Variants in ZBTB16 observed in about 807,000 individuals in gnomAD.
The protein encoded by ZBTB16 is zinc finger and BTB domain containing 16, also known as zinc finger and BTB domain-containing protein 16.
In ZBTB16, 8 loss-of-function variants were observed where a neutral mutation model predicts 56.8. The ratio of observed to expected loss-of-function variants is 0.14; its 90% CI spans 0.08 to 0.25. ZBTB16 has a LOEUF of 0.25. Among genes scored for constraint, ZBTB16 ranks in the 10% least tolerant of loss-of-function variants. ZBTB16 has a pLI of 1.00. For synonymous variants in ZBTB16, 363 were observed against 368.5 expected, an observed-to-expected ratio of 0.98 and a Z score of 0.17; for missense variants, 625 against 903.0, an observed-to-expected ratio of 0.69 and a Z score of 3.95.
intron 3 of ZBTB16, among the ~76,000 whole-genome samples, chr11:114,175,429 A>G (rs1445928919): frequency 6.6e-6 from 1 of 152,144 alleles, no homozygotes; most frequent in Non-Finnish European, 1.5e-5. Context: ...CAACAACTCT[A>G]AGATTACCCC....
chr11:114,175,823 G>A lies in ZBTB16; in HGVS notation c.1367-11129G>A, dbSNP rs572353623. 2.0e-5 allele frequency among the ~76,000 whole-genome samples: 3 copies of A among 152,236 alleles called. No homozygotes were observed. The East Asian group carries it at 5.8e-4, about 29-fold the overall frequency. On this transcript the variant is annotated intron_variant, in intron 3 of 6. Transcript: ENST00000335953. ...CAATGAGGTATGTCATTTGGCAGGA[G>A]TGTCAGGAGATGCTGGGGGACCGGG... is the stretch of plus-strand genomic sequence containing the variant.
At chr11:114,235,667 TTTCTTTCTTTC>T (rs1280930151) in intron 4 of ZBTB16, among the ~76,000 whole-genome samples, 13 of 23,700 alleles carry the variant, frequency 5.5e-4, no homozygotes, top group African/African-American at 1.4e-3. Flanking sequence ...TCTTTCTTTC[TTTCTTTCTTTC>T]TTTCTTTCTT....
At position 114,124,570 on chromosome 11, in the gene ZBTB16, A is replaced by AC. The variant is rs1247098921; in HGVS notation, c.1269-31767_1269-31766insC. ...AAAAAAAAAAACCAAAAAAAAAAAA[A>AC]AACAAAAACAAAACAAAAAAAACCA... On this transcript the variant is annotated intron_variant, in intron 2 of 6. Coordinates refer to ENST00000335953, the MANE Select transcript of ZBTB16 (RefSeq NM_006006.6). Among the ~76,000 whole-genome samples the AC allele has an allele frequency of 5.4e-3, 795 of 146,624 alleles. 6 individuals carry two copies. Among genetic ancestry groups the AC allele is most frequent in the African/African-American group, 0.018 (713 of 39,680 alleles).
chr11:114,109,289 A>G (rs917247816), intron 2 of ZBTB16, among the ~76,000 whole-genome samples: 6 of 152,212 alleles, frequency 3.9e-5, no homozygotes, highest in African/African-American at 1.4e-4. Flanking sequence ...CAGAAATAAT[A>G]GCTGGTCTGT....
intron 2 of ZBTB16, among the ~76,000 whole-genome samples, chr11:114,150,939 C>T (rs906795586): frequency 6.6e-6 from 1 of 152,230 alleles, no homozygotes; most frequent in East Asian, 1.9e-4. Context: ...TCCTGCTCGA[C>T]AGGACCAGGA....
intron 4 of ZBTB16, among the ~76,000 whole-genome samples, chr11:114,239,029 G>A (rs910518387): frequency 6.6e-6 from 1 of 152,210 alleles, no homozygotes; most frequent in Non-Finnish European, 1.5e-5. Flanking sequence ...CACAGTGCCT[G>A]TACTTGGTAG....
rs1228481326 is a variant in ZBTB16, at chr11:114,063,366, C to G, written c.66C>G (p.Cys22Trp). The change falls in exon 2 of 7, where the codon TGC becomes TGG. Residue 22 changes from cysteine (C) to tryptophan (W), a missense_variant. Transcript: ENST00000335953. This position sits in a 1 kb window ranked among gnomAD's most constrained non-coding sequence, Gnocchi z 6.5. ...QNPSHPTGLL[C>W]KANQMRLAGT... ...CTAGCCACCCCACGGGGCTACTGTG[C>G]AAGGCCAACCAGATGCGGCTGGCCG... 1 of 1,614,154 alleles carries G rather than the reference C, an allele frequency of 6.2e-7. No individual in the cohort carries two copies. Among genetic ancestry groups the G allele is most frequent in the Non-Finnish European group, 8.5e-7 (1 of 1,180,048 alleles).
chr11:114,110,304 C>A (rs1302365080), intron 2 of ZBTB16, among the ~76,000 whole-genome samples: 1 of 152,166 alleles, frequency 6.6e-6, no homozygotes, highest in African/African-American at 2.4e-5. Context: ...AACCTGTGCA[C>A]AGTCCCCCAA....
intron 4 of ZBTB16, among the ~76,000 whole-genome samples, chr11:114,202,148 C>G (rs927383046): frequency 6.6e-6 from 1 of 152,170 alleles, no homozygotes; most frequent in Non-Finnish European, 1.5e-5. Context: ...TCACTATGGG[C>G]CTGACGGAGG....
intron 3 of ZBTB16, among the ~76,000 whole-genome samples, chr11:114,182,951 AG>A (rs1424677729): frequency 6.6e-6 from 1 of 152,194 alleles, no homozygotes; most frequent in Non-Finnish European, 1.5e-5. Context: ...TTTTAATTTC[AG>A]GGCTGCCAAA....
chr11:114,147,152 A>G (rs1214666220), intron 2 of ZBTB16, among the ~76,000 whole-genome samples: 1 of 152,216 alleles, frequency 6.6e-6, no homozygotes, highest in East Asian at 1.9e-4. Context: ...ATATACATTA[A>G]AAAGGTTTTC....
chr11:114,094,950 C>G (rs191419987), intron 2 of ZBTB16, among the ~76,000 whole-genome samples: 5 of 152,366 alleles, frequency 3.3e-5, no homozygotes, highest in African/African-American at 4.8e-5. Context: ...CTCCAGAGTG[C>G]TTCGCACTGG....
intron 4 of ZBTB16, among the ~76,000 whole-genome samples, chr11:114,222,615 G>C (rs970383203): frequency 1.4e-4 from 22 of 152,190 alleles, no homozygotes; most frequent in African/African-American, 5.3e-4. Flanking sequence ...CAAGAACCAG[G>C]ATCTTTGGCC....
chr11:114,235,671 TTTCTTTC>T (rs1204192253), intron 4 of ZBTB16, among the ~76,000 whole-genome samples: 8 of 23,086 alleles, frequency 3.5e-4, no homozygotes, highest in African/African-American at 9.0e-4. Context: ...TCTTTCTTTC[TTTCTTTC>T]TTTCTTTCTT....
intron 2 of ZBTB16, among the ~76,000 whole-genome samples, chr11:114,128,454 C>T (rs1371706240): frequency 1.3e-5 from 2 of 152,246 alleles, no homozygotes; most frequent in African/African-American, 4.8e-5. Flanking sequence ...AGCTCCAACA[C>T]TTCTAGCTGT....
intron 2 of ZBTB16, among the ~76,000 whole-genome samples, chr11:114,133,888 A>G (rs1347586120): frequency 1.3e-5 from 2 of 152,338 alleles, no homozygotes; most frequent in East Asian, 3.9e-4. Context: ...TCAGGCAGCT[A>G]TCCCTCATGG....
chr11:114,242,529 C>T (rs1168271721), intron 5 of ZBTB16, among the ~76,000 whole-genome samples, 192 bp downstream of exon 5: 2 of 152,184 alleles, frequency 1.3e-5, no homozygotes, highest in Non-Finnish European at 2.9e-5. Context: ...TGTGGACCGT[C>T]GGTTCAAAGT....
At chr11:114,095,680 A>C (rs1348246626) in intron 2 of ZBTB16, among the ~76,000 whole-genome samples, 1 of 152,198 alleles carries the variant, frequency 6.6e-6, no homozygotes, top group African/African-American at 2.4e-5. Flanking sequence ...TTAGTCACCA[A>C]GGCAGGGTCT....
At chr11:114,084,751 C>G (rs887168174) in intron 2 of ZBTB16, among the ~76,000 whole-genome samples, 1 of 152,218 alleles carries the variant, frequency 6.6e-6, no homozygotes, top group African/African-American at 2.4e-5. Flanking sequence ...CCTTATTGCT[C>G]AGGATCATCT....
Sources: gnomAD v4.1 joint callset for allele counts (sites outside exome capture counted in the v4.1 genomes callset) on GRCh38, gnomAD v4.1.1 for gene constraint, Gnocchi (gnomAD v3.1) non-coding constraint, MANE v1.5 for transcripts, NCBI Gene and HGNC (gene_info 2026-07-23, HGNC 2026-07-21) for gene names.